Variants in FHOD3 observed in about 807,000 individuals in gnomAD.
FHOD3 encodes formin homology 2 domain containing 3.
In FHOD3, 90 loss-of-function variants were observed where a neutral mutation model predicts 173.0. The ratio of observed to expected loss-of-function variants is 0.52; its 90% CI spans 0.44 to 0.62. FHOD3 has a LOEUF of 0.62. FHOD3 is among the 20% of genes least tolerant of loss of function. The probability of loss-of-function intolerance (pLI) is 0.00; values close to 1 mark genes in which losing one functional copy is unlikely to be tolerated. For missense variants in FHOD3, 1,945 were observed against 2,034.7 expected (o/e 0.96, Z 0.85); for synonymous variants, 828 against 823.0 (o/e 1.01, Z -0.10).
intron 5 of FHOD3, among the ~76,000 whole-genome samples, chr18:36,517,639 T>C (rs1211933190): frequency 6.6e-6 from 1 of 152,220 alleles, no homozygotes; most frequent in Non-Finnish European, 1.5e-5. Flanking sequence ...TACCAATTAA[T>C]CATAAAACGC....
At chr18:36,726,358 T>G (rs960050640) in intron 19 of FHOD3, among the ~76,000 whole-genome samples, 39 of 152,160 alleles carry the variant, frequency 2.6e-4, no homozygotes, top group Non-Finnish European at 5.3e-4. Context: ...TGGGTATTTT[T>G]GGGGGTTGTC....
intron 5 of FHOD3, among the ~76,000 whole-genome samples, chr18:36,566,133 G>GGT (rs1288723251): frequency 1.3e-5 from 2 of 152,184 alleles, no homozygotes; most frequent in Admixed American, 1.3e-4. Context: ...TTTAAGAGCT[G>GGT]TTTGTGCAAA....
At chr18:36,746,132 C>T (rs914764220) in intron 23 of FHOD3, among the ~76,000 whole-genome samples, 9 of 152,020 alleles carry the variant, frequency 5.9e-5, no homozygotes, top group African/African-American at 1.9e-4. Flanking sequence ...CTTAGAAAAC[C>T]TCATCTCAGT....
At chr18:36,679,679 T>C (rs1054389045) in intron 14 of FHOD3, among the ~76,000 whole-genome samples, 3 of 152,188 alleles carry the variant, frequency 2.0e-5, no homozygotes, top group Admixed American at 6.5e-5. Context: ...TTTCCAATTA[T>C]ATGGATTTTT....
chr18:36,649,228 T>TTG (rs1466003317), intron 10 of FHOD3, 88 bp from the exon 11 acceptor site: 3 of 832,020 alleles, frequency 3.6e-6, no homozygotes, highest in Non-Finnish European at 3.7e-6. Flanking sequence ...TGTTGTTGTT[T>TTG]TTGCTTCATC....
chr18:36,693,317 AGCCCCAGCCTGCCTGGCTCCT>A lies in FHOD3; in HGVS notation c.2131_2151del (p.Ala711_Pro717del). On this transcript the variant is annotated inframe_deletion, in exon 17 of 29. Transcript: ENST00000590592. ...TCTCCTTGGACCTGACCTCGCCAGC[AGCCCCAGCCTGCCTGGCTCCT>A]CTGAGCCATAGCCCCTCATCTTCAG... The A allele has an allele frequency of 6.2e-7, 1 of 1,613,894 alleles. No individual in the cohort carries two copies. Among genetic ancestry groups the A allele is most frequent in the Non-Finnish European group, 8.5e-7 (1 of 1,179,822 alleles).
chr18:36,761,722 T>C (rs920776248), intron 27 of FHOD3, among the ~76,000 whole-genome samples: 1 of 152,080 alleles, frequency 6.6e-6, no homozygotes, highest in Non-Finnish European at 1.5e-5. Context: ...AGACCCCAGT[T>C]AGATCTACTA....
intron 4 of FHOD3, among the ~76,000 whole-genome samples, chr18:36,504,688 A>G (rs1162183417): frequency 6.6e-6 from 1 of 152,114 alleles, no homozygotes; most frequent in Non-Finnish European, 1.5e-5. Flanking sequence ...GCACATGTAT[A>G]CATATGTAAC....
At chr18:36,493,977 C>CTGTATA in intron 3 of FHOD3, among the ~76,000 whole-genome samples, 1 of 152,268 alleles carries the variant, frequency 6.6e-6, no homozygotes, top group East Asian at 1.9e-4. Context: ...TTATAGACCC[C>CTGTATA]AAAGCGTGAT....
chr18:36,605,677 C>A (rs538201355), intron 8 of FHOD3, among the ~76,000 whole-genome samples: 1 of 152,090 alleles, frequency 6.6e-6, no homozygotes, highest in African/African-American at 2.4e-5. Context: ...GGCATAAATG[C>A]GTTAAACAAG....
chr18:36,319,537 G>A (rs1485855220), intron 1 of FHOD3, among the ~76,000 whole-genome samples: 1 of 152,064 alleles, frequency 6.6e-6, no homozygotes, highest in Admixed American at 6.5e-5. Flanking sequence ...AAATAATAAT[G>A]GGAGACTTTA....
intron 4 of FHOD3, among the ~76,000 whole-genome samples, chr18:36,509,836 G>A (rs1297409879): frequency 3.9e-5 from 6 of 152,316 alleles, no homozygotes; most frequent in East Asian, 1.9e-4. Flanking sequence ...TCCCAGGACC[G>A]TCATTAAGCA....
intron 15 of FHOD3, among the ~76,000 whole-genome samples, chr18:36,685,437 G>C (rs2038544260): frequency 6.6e-6 from 1 of 152,188 alleles, no homozygotes; most frequent in Admixed American, 6.5e-5. Flanking sequence ...CCAAATGACT[G>C]ACCTTTTATC....
At chr18:36,772,829 G>A (rs1390970516) in intron 28 of FHOD3, among the ~76,000 whole-genome samples, 1 of 152,144 alleles carries the variant, frequency 6.6e-6, no homozygotes, top group Non-Finnish European at 1.5e-5. Flanking sequence ...AGCTTACTTC[G>A]GGTGCCCACC....
intron 18 of FHOD3, among the ~76,000 whole-genome samples, chr18:36,714,427 A>G (rs2040339380): frequency 6.6e-6 from 1 of 152,162 alleles, no homozygotes; most frequent in South Asian, 2.1e-4. Flanking sequence ...AGTCACAGCT[A>G]CTCAGGAGGC....
intron 5 of FHOD3, among the ~76,000 whole-genome samples, chr18:36,564,244 G>A (rs976408518): frequency 2.0e-5 from 3 of 152,168 alleles, no homozygotes; most frequent in Non-Finnish European, 4.4e-5. Flanking sequence ...TTGGATGTAA[G>A]TCTTAGAAGA....
intron 5 of FHOD3, among the ~76,000 whole-genome samples, chr18:36,522,988 TA>T: frequency 6.6e-6 from 1 of 152,334 alleles, no homozygotes; most frequent in South Asian, 2.1e-4. Flanking sequence ...CCTAGCTGCT[TA>T]AAACTGGACC....
At chr18:36,636,799 G>A (rs368459534) in intron 10 of FHOD3, among the ~76,000 whole-genome samples, 14 of 152,222 alleles carry the variant, frequency 9.2e-5, no homozygotes, top group African/African-American at 3.1e-4. Flanking sequence ...CTTGGATAGA[G>A]CAGGGATGGT....
At chr18:36,348,215 T>G (rs8094507) in intron 1 of FHOD3, among the ~76,000 whole-genome samples, 2 of 152,156 alleles carry the variant, frequency 1.3e-5, no homozygotes, top group African/African-American at 4.8e-5. Context: ...AACCACAAAA[T>G]CCAAGGAAGC....
Sources: gnomAD v4.1 joint callset for allele counts (sites outside exome capture counted in the v4.1 genomes callset) on GRCh38, gnomAD v4.1.1 for gene constraint, MANE v1.5 for transcripts, NCBI Gene and HGNC (gene_info 2026-07-23, HGNC 2026-07-21) for gene names.